TENM2: variants seen among roughly 807,000 people sequenced by gnomAD.
TENM2 encodes teneurin transmembrane protein 2, also known as teneurin-2.
In TENM2, 52 loss-of-function variants were observed where a neutral mutation model predicts 245.2. The ratio of observed to expected loss-of-function variants is 0.21; its 90% CI spans 0.17 to 0.27. The LOEUF (loss-of-function observed/expected upper bound fraction) is 0.27, where lower values mean the gene tolerates loss of function less well. Among genes scored for constraint, TENM2 ranks in the 10% least tolerant of loss-of-function variants. The pLI is 1.00. For missense variants in TENM2, 3,046 were observed against 3,666.8 expected (o/e 0.83, Z 4.37); for synonymous variants, 1,363 against 1,438.9 (o/e 0.95, Z 1.19).
At chr5:167,936,498 A>G (rs892604527) in intron 3 of TENM2, among the ~76,000 whole-genome samples, 7 of 152,222 alleles carry the variant, frequency 4.6e-5, no homozygotes, top group African/African-American at 1.7e-4. Flanking sequence ...CCAAGTTTTC[A>G]GGCTGCCTTT....
intron 3 of TENM2, 160 bp from the exon 6 acceptor site, chr5:167,952,428 C>T: frequency 1.6e-6 from 1 of 620,556 alleles, no homozygotes; most frequent in Non-Finnish European, 2.9e-6. Context: ...TTGTAACTGA[C>T]TCTGGGATGC....
chr5:166,986,752 C>T, the TENM2 span, among the ~76,000 whole-genome samples: 453 of 152,150 alleles, frequency 3.0e-3, 4 homozygotes, highest in African/African-American at 0.01. Flanking sequence ...GGGTAAATTA[C>T]GACTTATTGT....
chr5:167,994,422 C>G (rs574213289), intron 5 of TENM2, among the ~76,000 whole-genome samples: 63 of 152,266 alleles, frequency 4.1e-4, no homozygotes, highest in African/African-American at 1.4e-3. Flanking sequence ...TGGTATCTGC[C>G]AAAGAAGGAA....
intron 28 of TENM2, 83 bp downstream of exon 30, chr5:168,260,496 G>A (rs1467697988): frequency 3.3e-6 from 5 of 1,516,900 alleles, no homozygotes; most frequent in Non-Finnish European, 3.6e-6. Flanking sequence ...CCAGGGGCAT[G>A]TCAGCGCAGG....
At chr5:167,143,763 A>C in the TENM2 span, among the ~76,000 whole-genome samples, 1 of 152,208 alleles carries the variant, frequency 6.6e-6, no homozygotes, top group African/African-American at 2.4e-5. Context: ...CGATTCTTAC[A>C]AAGCCGTGCA....
intron 5 of TENM2, among the ~76,000 whole-genome samples, chr5:168,016,733 G>A (rs770629859): frequency 2.4e-4 from 37 of 152,208 alleles, no homozygotes; most frequent in Middle Eastern, 3.4e-3. Flanking sequence ...CTCTGAAATC[G>A]GATAGAATGG....
At chr5:167,962,232 C>T (rs973666318) in intron 4 of TENM2, among the ~76,000 whole-genome samples, 6 of 149,496 alleles carry the variant, frequency 4.0e-5, no homozygotes, top group African/African-American at 1.5e-4. Flanking sequence ...TTGGAAGAAG[C>T]ACATTAAAGA....
intron 5 of TENM2, among the ~76,000 whole-genome samples, chr5:168,026,754 A>G (rs1022536155): frequency 6.6e-6 from 1 of 152,166 alleles, no homozygotes; most frequent in Non-Finnish European, 1.5e-5. Flanking sequence ...AAACAAGATA[A>G]TTCTTGAATA....
At chr5:166,984,642 G>T in the TENM2 span, among the ~76,000 whole-genome samples, 1 of 152,012 alleles carries the variant, frequency 6.6e-6, no homozygotes, top group African/African-American at 2.4e-5. Flanking sequence ...GTTGGAAATA[G>T]TCAAGTTAGG....
chr5:167,976,513 T>C (rs1317715360), intron 4 of TENM2, among the ~76,000 whole-genome samples: 1 of 152,152 alleles, frequency 6.6e-6, no homozygotes, highest in East Asian at 1.9e-4. Context: ...AATATACAAA[T>C]ATACTTGGTG....
At chr5:167,542,925 C>T (rs1309412334) in intron 2 of TENM2, among the ~76,000 whole-genome samples, 1 of 152,118 alleles carries the variant, frequency 6.6e-6, no homozygotes. Context: ...GCTGGACTCC[C>T]CTGGGATACG....
the TENM2 span, among the ~76,000 whole-genome samples, chr5:167,113,099 C>T: frequency 6.6e-6 from 1 of 152,032 alleles, no homozygotes; most frequent in African/African-American, 2.4e-5. Flanking sequence ...GTGTTGGAGT[C>T]AAAGGGAGTG....
chr5:167,695,852 A>G (rs544922964), intron 2 of TENM2, among the ~76,000 whole-genome samples: 8 of 151,858 alleles, frequency 5.3e-5, no homozygotes, highest in Admixed American at 1.3e-4. Flanking sequence ...GGCTAACATG[A>G]TGAAACCCCG....
chr5:168,229,367 A>G (rs1328959153), intron 25 of TENM2, among the ~76,000 whole-genome samples: 2 of 151,984 alleles, frequency 1.3e-5, no homozygotes, highest in Non-Finnish European at 2.9e-5. Flanking sequence ...TGCTCCAGTC[A>G]CTTATCTGTC....
intron 2 of TENM2, among the ~76,000 whole-genome samples, chr5:167,609,644 G>A (rs751780836): frequency 1.4e-4 from 21 of 152,108 alleles, no homozygotes; most frequent in South Asian, 4.2e-4. Flanking sequence ...GTGAACTTCC[G>A]GTAGGGCACA....
At chr5:167,383,375 C>T (rs1761206402) in intron 2 of TENM2, among the ~76,000 whole-genome samples, 1 of 151,968 alleles carries the variant, frequency 6.6e-6, no homozygotes, top group African/African-American at 2.4e-5. Context: ...GCCTTGGATC[C>T]CTTAAACCAA....
rs562476076 is a variant in TENM2, at chr5:168,247,386, C to T, written c.6447C>T (p.Thr2149=). Reference sequence around the variant, plus strand: ...AGATCATCACCACTGCCGTGATGACCCTCAGCAAACACTTCGACACCCATG... The same window carrying T: ...AGATCATCACCACTGCCGTGATGACTCTCAGCAAACACTTCGACACCCATG... Residue 2149 remains threonine (T), a synonymous_variant, in exon 27 of 29, where the codon ACC becomes ACT. Transcript: ENST00000518659. The surrounding 1 kb of genome is among the most constrained non-coding windows in gnomAD (Gnocchi z 7.8). The T allele has an allele frequency of 6.2e-6, 10 of 1,613,946 alleles. No individual in the cohort carries two copies. In the Admixed American group the frequency reaches 1.7e-4, roughly 27 times the overall value.
At chr5:167,062,255 G>A in the TENM2 span, among the ~76,000 whole-genome samples, 321 of 152,146 alleles carry the variant, frequency 2.1e-3, 2 homozygotes, top group African/African-American at 6.8e-3. Flanking sequence ...GAATGTAATA[G>A]TTGAATATCG....
chr5:168,148,687 C>G (rs889767672), intron 12 of TENM2, among the ~76,000 whole-genome samples: 1 of 151,946 alleles, frequency 6.6e-6, no homozygotes, highest in African/African-American at 2.4e-5. Context: ...AGTGAAGAAG[C>G]AGGGGAGAAA....
Sources: allele counts gnomAD v4.1 joint callset (sites outside exome capture counted in the v4.1 genomes callset), GRCh38; gene constraint gnomAD v4.1.1; non-coding constraint Gnocchi (gnomAD v3.1); transcripts MANE v1.5; gene names NCBI Gene and HGNC (gene_info 2026-07-23, HGNC 2026-07-21).